Variants in NUDT7 observed in about 807,000 individuals in gnomAD.
NUDT7 encodes the protein peroxisomal coenzyme A diphosphatase NUDT7.
NUDT7 carries 19 observed loss-of-function variants against 13.1 expected under a neutral mutation model. The ratio of observed to expected loss-of-function variants is 1.45; its 90% CI spans 1.01 to 2.13. The LOEUF is 2.13. Ranked by LOEUF, NUDT7 falls within the 30% of genes most tolerant of loss-of-function variation. The pLI is 0.00. For synonymous variants in NUDT7, 132 were observed against 109.7 expected, an observed-to-expected ratio of 1.20 and a Z score of -1.27; for missense variants, 360 against 291.7, an observed-to-expected ratio of 1.23 and a Z score of -1.71.
At position 77,741,941 on chromosome 16, in the gene NUDT7, C is replaced by G; in HGVS notation, c.708C>G (p.Ser236Arg). The G allele has an allele frequency of 1.3e-6, 2 of 1,596,498 alleles. No individual in the cohort carries two copies. ...LFLKVHKKAT[S>R]RL is the part of the protein sequence containing the mutation. The stretch of plus-strand genomic sequence containing the variant: ...TGAAGGTTCATAAAAAAGCTACAAG[C>G]AGGTTATGATTTACTAGAGCAAGAG... The change falls in exon 4 of 4, where the codon AGC becomes AGG. Residue 236 changes from serine to arginine, a missense_variant. Ser to Arg is a moderately radical substitution (Grantham distance 110). Transcript: ENST00000268533.
intron 2 of NUDT7, among the ~76,000 whole-genome samples, chr16:77,726,394 G>C (rs1016253269): frequency 1.3e-5 from 2 of 152,220 alleles, no homozygotes; most frequent in African/African-American, 4.8e-5. Context: ...TGACCTGTCA[G>C]ACATGACCTG....
rs1283972555 is a variant in NUDT7, at chr16:77,722,538, A to G, written c.-45A>G. 1 of 1,551,948 alleles carries G rather than the reference A, an allele frequency of 6.4e-7. No homozygotes were observed. Among genetic ancestry groups the G allele is most frequent in the Non-Finnish European group, 8.7e-7 (1 of 1,144,844 alleles). ...TGCTCTGCGCAAGCGCGACCGACCG[A>G]GCAGCTCCGAGGAGTCCGCCCGGAA... On this transcript the variant is annotated 5_prime_UTR_variant, in exon 1 of 4. Transcript: ENST00000268533.
intron 2 of NUDT7, among the ~76,000 whole-genome samples, chr16:77,727,860 A>C (rs1311044154): frequency 1.5e-5 from 2 of 131,462 alleles, no homozygotes; most frequent in Non-Finnish European, 3.1e-5. Flanking sequence ...CCATCTCAAT[A>C]ATGAATAAAT....
At chr16:77,731,208 T>C (rs868538043) in intron 2 of NUDT7, among the ~76,000 whole-genome samples, 1 of 152,198 alleles carries the variant, frequency 6.6e-6, no homozygotes, top group Admixed American at 6.6e-5. Context: ...CAAAATGATC[T>C]TTTCCAATTC....
intron 2 of NUDT7, among the ~76,000 whole-genome samples, chr16:77,728,518 T>C (rs1353860938): frequency 6.6e-6 from 1 of 152,130 alleles, no homozygotes; most frequent in Non-Finnish European, 1.5e-5. Context: ...ATGACAAGCG[T>C]GTGCCACCAC....
rs767599893 is a variant in NUDT7, at chr16:77,736,008, C to G, written c.348+22C>G. On this transcript the variant is annotated intron_variant, in intron 3 of 3. Coordinates refer to ENST00000268533, the MANE Select transcript of NUDT7 (RefSeq NM_001105663.3). ...TGATGTAAGGGTTTCCTGAGACACTCATGAGCACCGTCCCCACCCCCAGGT... is the reference window on the plus strand; with the variant it reads ...TGATGTAAGGGTTTCCTGAGACACTGATGAGCACCGTCCCCACCCCCAGGT... The G allele has an allele frequency of 6.2e-6, 10 of 1,611,420 alleles. No homozygotes were observed. The Admixed American group carries it at 1.2e-4, about 19-fold the overall frequency.
At chr16:77,723,464 G>C (rs1278994834) in intron 1 of NUDT7, among the ~76,000 whole-genome samples, 1 of 152,148 alleles carries the variant, frequency 6.6e-6, no homozygotes, top group Non-Finnish European at 1.5e-5. Context: ...ATTTATGACA[G>C]TGGTTACCAT....
chr16:77,727,142 C>T (rs908094153), intron 2 of NUDT7, among the ~76,000 whole-genome samples: 2 of 152,132 alleles, frequency 1.3e-5, no homozygotes, highest in Non-Finnish European at 2.9e-5. Flanking sequence ...CTGGGGACTC[C>T]AGTTCAACAT....
At chr16:77,725,360 G>C in intron 1 of NUDT7, 71 bp from the exon 2 acceptor site, 1 of 1,383,280 alleles carries the variant, frequency 7.2e-7, no homozygotes, top group South Asian at 1.4e-5. Flanking sequence ...AGCAGAAACA[G>C]AGGCAGGACT....
rs2014463053 is a variant in NUDT7 at position 77,735,832 on chromosome 16, G to T, written c.194G>T (p.Arg65Ile). The T allele has an allele frequency of 6.2e-7, 1 of 1,613,102 alleles. No homozygotes were observed. Among genetic ancestry groups the T allele is most frequent in the South Asian group, 1.1e-5 (1 of 91,040 alleles). Residue 65 changes from arginine to isoleucine, a missense_variant, in exon 3 of 4, where the codon AGA (arginine) becomes ATA (isoleucine). Physicochemically the swap from Arg to Ile is moderately conservative, Grantham distance 97 (BLOSUM62 -3). Coordinates refer to ENST00000268533, the MANE Select transcript of NUDT7 (RefSeq NM_001105663.3). The part of the protein sequence containing the change: ...LLFTVRSEKL[R>I]RAPGEVCFPG... ...CGCTGTTCTTTCTATATCCAGCTAAGAAGGGCCCCTGGAGAAGTTTGCTTC... is the reference window on the plus strand; with the variant it reads ...CGCTGTTCTTTCTATATCCAGCTAATAAGGGCCCCTGGAGAAGTTTGCTTC...
At position 77,741,781 on chromosome 16, in the gene NUDT7, G is replaced by C; in HGVS notation, c.548G>C (p.Gly183Ala). ...HIFEYTNPED[G>A]VTYQIKGMTA... ...TTTGAGTACACAAACCCTGAAGACG[G>C]TGTCACTTACCAGATCAAGGGAATG... The change falls in exon 4 of 4, where the codon GGT becomes GCT. Residue 183 changes from glycine to alanine, a missense_variant. Physicochemically the swap from Gly to Ala is moderately conservative, Grantham distance 60. Transcript: ENST00000268533. 4 of 1,614,110 alleles carry C rather than the reference G, an allele frequency of 2.5e-6. No individual in the cohort carries two copies. The highest frequency in any genetic ancestry group is 3.4e-6 in the Non-Finnish European group (4 of 1,180,032).
chr16:77,741,953 T>C lies in NUDT7; in HGVS notation c.*3T>C. 6.3e-7 allele frequency: 1 copy of C among 1,580,118 alleles called. No individual in the cohort carries two copies. The highest frequency in any genetic ancestry group is 8.6e-7 in the Non-Finnish European group (1 of 1,165,106). Reference sequence around the variant, plus strand: ...AAAAAGCTACAAGCAGGTTATGATTTACTAGAGCAAGAGACAAAGAACTAT... The same window carrying C: ...AAAAAGCTACAAGCAGGTTATGATTCACTAGAGCAAGAGACAAAGAACTAT... On this transcript the variant is annotated 3_prime_UTR_variant, in exon 4 of 4. Coordinates refer to ENST00000268533, the MANE Select transcript of NUDT7 (RefSeq NM_001105663.3).
At chr16:77,739,348 C>T (rs933989885) in intron 3 of NUDT7, among the ~76,000 whole-genome samples, 2 of 152,094 alleles carry the variant, frequency 1.3e-5, no homozygotes, top group African/African-American at 2.4e-5. Flanking sequence ...ATGAGTTTTC[C>T]AGGAAAGGGA....
chr16:77,742,219 G>A lies in NUDT7; in HGVS notation c.*269G>A. On this transcript the variant is annotated 3_prime_UTR_variant, in exon 4 of 4. Transcript: ENST00000268533. Reference sequence around the variant, plus strand: ...CTTACACATATAATAAAGAATATCTGGCACATACTAGGCCCTTAATAAAGA... The same window carrying A: ...CTTACACATATAATAAAGAATATCTAGCACATACTAGGCCCTTAATAAAGA... The A allele has an allele frequency of 1.1e-6, 1 of 886,710 alleles. No homozygotes were observed. The highest frequency in any genetic ancestry group is 1.7e-5 in the African/African-American group (1 of 58,324). 54.9% of individuals were successfully genotyped at this position (886,710 alleles called of 1,614,324 possible).
chr16:77,731,743 T>G (rs2014324891), intron 2 of NUDT7, among the ~76,000 whole-genome samples: 1 of 152,154 alleles, frequency 6.6e-6, no homozygotes, highest in Admixed American at 6.5e-5. Flanking sequence ...TGTATGTTAT[T>G]GTTGCCCCTG....
At chr16:77,737,802 G>C (rs578244932) in intron 3 of NUDT7, among the ~76,000 whole-genome samples, 80 of 152,076 alleles carry the variant, frequency 5.3e-4, no homozygotes, top group South Asian at 3.3e-3. Flanking sequence ...TTTATATATT[G>C]GGCTTTCGGG....
At chr16:77,735,555 A>G in intron 2 of NUDT7, 1 of 541,600 alleles carries the variant, frequency 1.8e-6, no homozygotes, top group Admixed American at 3.1e-5. Flanking sequence ...AGTCTCAGTT[A>G]TTTATTTATA....
intron 3 of NUDT7, among the ~76,000 whole-genome samples, chr16:77,737,767 G>A (rs1251786062): frequency 2.0e-5 from 3 of 152,158 alleles, no homozygotes; most frequent in Non-Finnish European, 4.4e-5. Context: ...CTATAGACGT[G>A]AGCCACCACA....
At chr16:77,729,824 C>CCATA (rs1193956285) in intron 2 of NUDT7, among the ~76,000 whole-genome samples, 1 of 147,800 alleles carries the variant, frequency 6.8e-6, no homozygotes, top group Non-Finnish European at 1.5e-5. Context: ...GACTCTATCT[C>CCATA]AATAAATAAA....
Sources: gnomAD v4.1 joint callset for allele counts (sites outside exome capture counted in the v4.1 genomes callset) on GRCh38, gnomAD v4.1.1 for gene constraint, MANE v1.5 for transcripts, NCBI Gene and HGNC (gene_info 2026-07-23, HGNC 2026-07-21) for gene names.